ST6GALNAC3: variants seen among roughly 807,000 people sequenced by gnomAD.
The protein encoded by ST6GALNAC3 is alpha-N-acetylgalactosaminide alpha-2,6-sialyltransferase 3.
Under a neutral mutation model 32.7 loss-of-function variants are expected in ST6GALNAC3, and 25 were observed. The ratio of observed to expected loss-of-function variants is 0.76; its 90% CI spans 0.56 to 1.07. ST6GALNAC3 has a LOEUF of 1.07. Ranked by LOEUF, ST6GALNAC3 falls within the 50% of genes least tolerant of loss-of-function variation. The probability of loss-of-function intolerance (pLI) is 0.00; values close to 1 mark genes in which losing one functional copy is unlikely to be tolerated. For synonymous variants in ST6GALNAC3, 129 were observed against 133.1 expected (o/e 0.97, Z 0.21); for missense variants, 355 against 382.4 (o/e 0.93, Z 0.60).
intron 3 of ST6GALNAC3, among the ~76,000 whole-genome samples, chr1:76,444,153 G>A (rs904356532): frequency 2.1e-4 from 32 of 152,192 alleles, no homozygotes; most frequent in African/African-American, 7.7e-4. Flanking sequence ...CTCTCCCAGT[G>A]AGAAAACTGA....
chr1:76,497,587 C>A (rs1357596562), intron 3 of ST6GALNAC3, among the ~76,000 whole-genome samples: 1 of 152,166 alleles, frequency 6.6e-6, no homozygotes, highest in African/African-American at 2.4e-5. Context: ...AAACCAACAT[C>A]TATTGAGTTC....
intron 3 of ST6GALNAC3, among the ~76,000 whole-genome samples, chr1:76,614,324 T>A (rs1648133668): frequency 6.6e-6 from 1 of 152,244 alleles, no homozygotes; most frequent in African/African-American, 2.4e-5. Context: ...GAAGTGGAAC[T>A]CAACTTCTAA....
intron 3 of ST6GALNAC3, among the ~76,000 whole-genome samples, chr1:76,519,649 T>G (rs1358115515): frequency 6.6e-6 from 1 of 152,198 alleles, no homozygotes; most frequent in Non-Finnish European, 1.5e-5. Flanking sequence ...GTATGGGCAT[T>G]CTCCATGAGT....
intron 1 of ST6GALNAC3, among the ~76,000 whole-genome samples, chr1:76,233,970 G>A (rs983744858): frequency 6.6e-6 from 1 of 152,144 alleles, no homozygotes; most frequent in African/African-American, 2.4e-5. Flanking sequence ...TCCTTAGAGG[G>A]ACGATAATGA....
At chr1:76,602,567 G>T (rs1377669584) in intron 3 of ST6GALNAC3, among the ~76,000 whole-genome samples, 1 of 151,976 alleles carries the variant, frequency 6.6e-6, no homozygotes, top group African/African-American at 2.4e-5. Context: ...GTAAGACAAA[G>T]AAAATATGCT....
At chr1:76,611,385 C>T (rs1045460594) in intron 3 of ST6GALNAC3, among the ~76,000 whole-genome samples, 2 of 152,044 alleles carry the variant, frequency 1.3e-5, no homozygotes, top group African/African-American at 4.8e-5. Flanking sequence ...AACCAAATAT[C>T]GGTTGTGTTT....
At chr1:76,379,520 A>G (rs1181399181) in intron 2 of ST6GALNAC3, among the ~76,000 whole-genome samples, 1 of 152,168 alleles carries the variant, frequency 6.6e-6, no homozygotes, top group African/African-American at 2.4e-5. Context: ...ACTCTGGCCA[A>G]GTAGTTTTCC....
intron 3 of ST6GALNAC3, among the ~76,000 whole-genome samples, chr1:76,606,757 G>C (rs142793940): frequency 1.1e-3 from 169 of 149,650 alleles, no homozygotes; most frequent in African/African-American, 3.8e-3. Flanking sequence ...AAGAAAAAAA[G>C]AAAAGGAGGT....
downstream of ST6GALNAC3, among the ~76,000 whole-genome samples, chr1:76,634,982 T>C (rs1046852091): frequency 6.6e-5 from 10 of 152,124 alleles, no homozygotes; most frequent in Admixed American, 2.6e-4. Flanking sequence ...TTAATATACT[T>C]GATATCCAAG....
intron 2 of ST6GALNAC3, among the ~76,000 whole-genome samples, chr1:76,357,730 T>A (rs1450070688): frequency 2.6e-5 from 4 of 152,190 alleles, no homozygotes; most frequent in African/African-American, 9.7e-5. Flanking sequence ...TTTGATCCTT[T>A]CCCCTTGGCC....
intron 3 of ST6GALNAC3, among the ~76,000 whole-genome samples, chr1:76,567,409 T>G (rs1476058917): frequency 6.6e-6 from 1 of 152,200 alleles, no homozygotes; most frequent in Non-Finnish European, 1.5e-5. Context: ...GACTACCAGT[T>G]GTTATTTACT....
chr1:76,528,832 G>C (rs1663078409), intron 3 of ST6GALNAC3, among the ~76,000 whole-genome samples: 1 of 150,778 alleles, frequency 6.6e-6, no homozygotes, highest in Non-Finnish European at 1.5e-5. Flanking sequence ...GAAACTATGA[G>C]CCAAATAACA....
At chr1:76,561,482 C>T (rs986858352) in intron 3 of ST6GALNAC3, among the ~76,000 whole-genome samples, 6 of 151,710 alleles carry the variant, frequency 4.0e-5, no homozygotes, top group South Asian at 4.2e-4. Context: ...AGCCATCTCC[C>T]GAAAGAAGAT....
intron 3 of ST6GALNAC3, among the ~76,000 whole-genome samples, chr1:76,515,269 C>T (rs560763935): frequency 1.3e-5 from 2 of 152,154 alleles, no homozygotes; most frequent in Admixed American, 1.3e-4. Context: ...TCTGTGATGT[C>T]AGTTGTAGTG....
chr1:76,629,324 C>A lies in ST6GALNAC3; in HGVS notation c.*518C>A, dbSNP rs41291524. ...ACTTAGCCTAAGGATGGGAAAATATCTCTTCCTAATATACCATCTTTCTAC... is the reference window on the plus strand; with the variant it reads ...ACTTAGCCTAAGGATGGGAAAATATATCTTCCTAATATACCATCTTTCTAC... On this transcript the variant is annotated 3_prime_UTR_variant, in exon 5 of 5. Transcript: ENST00000328299. 136,383 of 980,552 alleles carry A rather than the reference C, an allele frequency of 0.14. 10,363 individuals are homozygous for A. Among genetic ancestry groups the A allele is most frequent in the Admixed American group, 0.24 (3,820 of 16,226 alleles). The allele number at this position is 980,552 out of a possible 1,614,324, so 60.7% of individuals were successfully genotyped here. A position where few individuals can be genotyped will look rare whatever the true frequency, so the allele number is the denominator to read the frequency against.
intron 3 of ST6GALNAC3, among the ~76,000 whole-genome samples, chr1:76,583,837 C>T (rs1391068164): frequency 6.6e-6 from 1 of 152,180 alleles, no homozygotes; most frequent in African/African-American, 2.4e-5. Flanking sequence ...TGACATTTTT[C>T]ATCAACTACT....
chr1:76,269,111 C>G (rs553894626), intron 1 of ST6GALNAC3, among the ~76,000 whole-genome samples: 2 of 152,300 alleles, frequency 1.3e-5, no homozygotes, highest in South Asian at 4.1e-4. Context: ...AGCCTGGAAC[C>G]AAATTTGCAG....
intron 1 of ST6GALNAC3, among the ~76,000 whole-genome samples, chr1:76,086,834 G>T (rs933418036): frequency 6.6e-6 from 1 of 152,130 alleles, no homozygotes; most frequent in Non-Finnish European, 1.5e-5. Context: ...TCACACCTTT[G>T]CCATGGCCTG....
At position 76,412,203 on chromosome 1, in the gene ST6GALNAC3, CT is replaced by C; in HGVS notation, c.410del (p.Leu137GlnfsTer25). ...VVSHTSVPLLLKNPDYFFKEA... is the reference protein window; with the variant it reads ...VVSHTSVPLLXKNPDYFFKEA... The stretch of plus-strand genomic sequence containing the variant: ...GTCCCATACCAGCGTTCCTCTTTTG[CT>C]AAAAAACCCTGATTATTTTTTCAAG... On this transcript the variant is annotated frameshift_variant, in exon 3 of 5. Coordinates refer to ENST00000328299, the MANE Select transcript of ST6GALNAC3 (RefSeq NM_152996.4). LOFTEE classifies it high-confidence loss of function. The C allele has an allele frequency of 6.2e-7, 1 of 1,613,662 alleles. No individual in the cohort carries two copies. The highest frequency in any genetic ancestry group is 8.5e-7 in the Non-Finnish European group (1 of 1,179,804).
Sources: allele counts gnomAD v4.1 joint callset (sites outside exome capture counted in the v4.1 genomes callset), GRCh38; gene constraint gnomAD v4.1.1; transcripts MANE v1.5; gene names NCBI Gene and HGNC (gene_info 2026-07-23, HGNC 2026-07-21).